RYR3: variants seen among roughly 807,000 people sequenced by gnomAD.
RYR3 encodes ryanodine receptor 3.
A neutral mutation model predicts 584.3 loss-of-function variants in RYR3; 207 were observed. The observed-to-expected ratio is 0.35, with a 90% confidence interval of 0.32 to 0.40. RYR3 has a LOEUF of 0.40. RYR3 is among the 10% of genes least tolerant of loss of function. The probability of loss-of-function intolerance (pLI) is 1.00; values close to 1 mark genes in which losing one functional copy is unlikely to be tolerated. For missense variants in RYR3, 5,616 were observed against 6,089.2 expected (o/e 0.92, Z 2.59); for synonymous variants, 2,416 against 2,248.5 (o/e 1.07, Z -2.11).
chr15:33,378,808 TAAG>T (rs1206107911), intron 1 of RYR3, among the ~76,000 whole-genome samples: 3 of 151,940 alleles, frequency 2.0e-5, no homozygotes, highest in Non-Finnish European at 4.4e-5. Context: ...CTATAAAAAA[TAAG>T]AAGATCAGCC....
intron 43 of RYR3, among the ~76,000 whole-genome samples, chr15:33,714,510 A>G (rs1202730013): frequency 6.6e-6 from 1 of 152,180 alleles, no homozygotes; most frequent in East Asian, 1.9e-4. Flanking sequence ...AGTTGCAGGC[A>G]CTGTAGCCAG....
At position 33,326,775 on chromosome 15, in the gene RYR3, C is replaced by A. The variant is rs371242002; in HGVS notation, c.51+15679C>A. On this transcript the variant is annotated intron_variant, in intron 1 of 103. Transcript: ENST00000634891. ...AAATCAAGACAATCTGGCCTTAATT[C>A]TTTAGGTAATGGAGAACTAGCTAAC... Among the ~76,000 whole-genome samples, 266 of 152,214 alleles carry A rather than the reference C, an allele frequency of 1.7e-3. 1 individual carries two copies. The highest frequency in any genetic ancestry group is 6.0e-3 in the African/African-American group (251 of 41,522).
At chr15:33,601,335 A>G in intron 16 of RYR3, 84 bp from the exon 17 acceptor site, 5,036 of 1,063,818 alleles carry the variant, frequency 4.7e-3, no homozygotes, top group Non-Finnish European at 6.5e-3. Context: ...CCCTTTATGG[A>G]CTCCTTCCCT....
At chr15:33,789,622 T>TATATATATATA (rs2074968321) in intron 67 of RYR3, among the ~76,000 whole-genome samples, 1 of 32,386 alleles carries the variant, frequency 3.1e-5, no homozygotes, top group Non-Finnish European at 6.1e-5. Flanking sequence ...CCAGGTTTTA[T>TATATATATATA]TTTATATATA....
intron 65 of RYR3, among the ~76,000 whole-genome samples, chr15:33,784,013 C>T (rs1309884122): frequency 1.3e-5 from 2 of 152,200 alleles, no homozygotes; most frequent in Non-Finnish European, 2.9e-5. Flanking sequence ...GATTTTTAGC[C>T]TTCTATCCAC....
intron 1 of RYR3, among the ~76,000 whole-genome samples, chr15:33,319,383 T>C (rs916133317): frequency 1.3e-5 from 2 of 152,174 alleles, no homozygotes; most frequent in Admixed American, 6.5e-5. Context: ...CATAAGCCCC[T>C]CCTAAGTCCC....
intron 52 of RYR3, among the ~76,000 whole-genome samples, chr15:33,744,937 G>T (rs1470231649): frequency 2.0e-5 from 3 of 152,126 alleles, no homozygotes; most frequent in Non-Finnish European, 4.4e-5. Flanking sequence ...TGTGATTTTT[G>T]ACTATCCCCT....
chr15:33,768,180 C>G (rs72715144), intron 60 of RYR3, among the ~76,000 whole-genome samples: 2,031 of 152,298 alleles, frequency 0.013, 25 homozygotes, highest in Middle Eastern at 0.027. Flanking sequence ...GTACCTGAAC[C>G]ATTAACACTT....
At chr15:33,854,480 T>G (rs1283680528) in intron 97 of RYR3, 31 bp downstream of exon 97, 1 of 1,524,084 alleles carries the variant, frequency 6.6e-7, no homozygotes, top group Non-Finnish European at 8.9e-7. Context: ...AACAAAATTC[T>G]ATACCCCAGT....
intron 38 of RYR3, among the ~76,000 whole-genome samples, chr15:33,672,810 C>T (rs1031669829): frequency 1.3e-5 from 2 of 152,210 alleles, no homozygotes; most frequent in Admixed American, 1.3e-4. Flanking sequence ...TGGCAGTTTA[C>T]TGAATACTTC....
At chr15:33,548,372 AC>A (rs1483918456) in intron 9 of RYR3, among the ~76,000 whole-genome samples, 168 bp downstream of exon 9, 1 of 152,244 alleles carries the variant, frequency 6.6e-6, no homozygotes, top group Non-Finnish European at 1.5e-5. Context: ...GAACACACAC[AC>A]ACACAATCTC....
At chr15:33,423,397 T>C (rs1179150648) in intron 1 of RYR3, among the ~76,000 whole-genome samples, 9 of 152,246 alleles carry the variant, frequency 5.9e-5, no homozygotes, top group African/African-American at 1.9e-4. Flanking sequence ...TGTTTATCCA[T>C]TTATCTGTTG....
chr15:33,815,999 A>G, intron 74 of RYR3: 1 of 397,552 alleles, frequency 2.5e-6, no homozygotes, highest in Non-Finnish European at 4.4e-6. Context: ...CCATGATTTA[A>G]CGTTACCATA....
intron 16 of RYR3, among the ~76,000 whole-genome samples, chr15:33,591,681 A>T (rs1026854352): frequency 6.6e-6 from 1 of 152,214 alleles, no homozygotes; most frequent in African/African-American, 2.4e-5. Flanking sequence ...AACCTGCTCA[A>T]AGTTGCCATA....
Position 33,466,368 on chromosome 15 carries a change from T to G in RYR3, c.52-7051T>G, listed in dbSNP as rs942389206. Among the ~76,000 whole-genome samples the G allele has an allele frequency of 2.6e-5, 4 of 152,296 alleles. No homozygotes were observed. In the East Asian group the frequency reaches 5.8e-4, roughly 22 times the overall value. Reference sequence around the variant, plus strand: ...AAGTATTTTAAAAAGGAAAGATAAATAAGTCTGTCAATTTGCTTCTTGGTA... The same window carrying G: ...AAGTATTTTAAAAAGGAAAGATAAAGAAGTCTGTCAATTTGCTTCTTGGTA... On this transcript the variant is annotated intron_variant, in intron 1 of 103. Coordinates refer to ENST00000634891, the MANE Select transcript of RYR3 (RefSeq NM_001036.6).
rs927061338 is a variant in RYR3 at position 33,412,831 on chromosome 15, T to C, written c.52-60588T>C. ...TTAAATGGAGAAAACCAAGTTTGTA[T>C]GCATTTGTGTCATGCAAAGGAGGAG... On this transcript the variant is annotated intron_variant, in intron 1 of 103. Coordinates refer to ENST00000634891, the MANE Select transcript of RYR3 (RefSeq NM_001036.6). The surrounding 1 kb of genome is among the most constrained non-coding windows in gnomAD (Gnocchi z 4.3). 6.6e-6 allele frequency among the ~76,000 whole-genome samples: 1 copy of C among 152,190 alleles called. No individual in the cohort carries two copies. Among genetic ancestry groups the C allele is most frequent in the African/African-American group, 2.4e-5 (1 of 41,452 alleles).
chr15:33,349,747 C>A (rs1337196505), intron 1 of RYR3, among the ~76,000 whole-genome samples: 1 of 108,988 alleles, frequency 9.2e-6, no homozygotes, highest in African/African-American at 3.6e-5. Context: ...CTCCCCCCTC[C>A]CCCCACCCCA....
intron 1 of RYR3, among the ~76,000 whole-genome samples, chr15:33,331,883 G>C (rs1478891147): frequency 6.6e-6 from 1 of 151,978 alleles, no homozygotes; most frequent in Admixed American, 6.6e-5. Flanking sequence ...GATAATAATT[G>C]CATGTAAATA....
chr15:33,669,858 G>GTC (rs2063728108), intron 37 of RYR3, among the ~76,000 whole-genome samples: 2 of 19,786 alleles, frequency 1.0e-4, no homozygotes, highest in African/African-American at 3.0e-4. Flanking sequence ...GGGGGGGGGG[G>GTC]TGTGGGTGTG....
Sources: allele counts gnomAD v4.1 joint callset (sites outside exome capture counted in the v4.1 genomes callset), GRCh38; gene constraint gnomAD v4.1.1; non-coding constraint Gnocchi (gnomAD v3.1); transcripts MANE v1.5; gene names NCBI Gene and HGNC (gene_info 2026-07-23, HGNC 2026-07-21).